The following GNAI3 variants were observed in gnomAD, a reference collection of about 807,000 sequenced individuals.
GNAI3 encodes G protein subunit alpha i3, also known as guanine nucleotide-binding protein G(i) subunit alpha-3.
Under a neutral mutation model 41.8 loss-of-function variants are expected in GNAI3, and 12 were observed. That is an observed-to-expected ratio of 0.29 (90% CI 0.18 to 0.47). GNAI3 has a LOEUF of 0.47. GNAI3 is among the 20% of genes least tolerant of loss of function. GNAI3 has a pLI of 1.00. For synonymous variants in GNAI3, 132 were observed against 146.5 expected (o/e 0.90, Z 0.71); for missense variants, 360 against 429.6 (o/e 0.84, Z 1.43).
chr1:109,572,032 G>A (rs1472974833), intron 1 of GNAI3, among the ~76,000 whole-genome samples: 1 of 152,234 alleles, frequency 6.6e-6, no homozygotes, highest in African/African-American at 2.4e-5. Context: ...ACTGGGTTGG[G>A]TGCGGTGGCT....
intron 1 of GNAI3, among the ~76,000 whole-genome samples, chr1:109,573,360 A>C (rs961480593): frequency 7.9e-5 from 12 of 152,190 alleles, no homozygotes; most frequent in African/African-American, 2.9e-4. Context: ...CAGAGGAATT[A>C]ATAAAAATGA....
At position 109,598,353 on chromosome 1, in the gene GNAI3, A is replaced by G. The variant is rs1421530515; in HGVS notation, c.*6031A>G. On this transcript the variant is annotated 3_prime_UTR_variant, in exon 9 of 9. Coordinates refer to ENST00000369851, the MANE Select transcript of GNAI3 (RefSeq NM_006496.4). ...GGTTCTGGTCTTGTCTCTGCTTCCA[A>G]CCAGCTATGGAATCTTGTGTATTCT... 1 of 152,452 alleles carries G rather than the reference A, an allele frequency of 6.6e-6. No individual in the cohort carries two copies. Among genetic ancestry groups the G allele is most frequent in the Admixed American group, 6.5e-5 (1 of 15,322 alleles). 9.4% of individuals were successfully genotyped at this position (152,452 alleles called of 1,614,324 possible). A position where few individuals can be genotyped will look rare whatever the true frequency, so the allele number is the denominator to read the frequency against.
At chr1:109,585,666 C>T (rs1649017090) in intron 5 of GNAI3, among the ~76,000 whole-genome samples, 2 of 151,940 alleles carry the variant, frequency 1.3e-5, no homozygotes, top group Admixed American at 1.3e-4. Context: ...AGGTTCAGAT[C>T]CCCAGTCCCT....
chr1:109,586,091 ATTCTTT>A, intron 5 of GNAI3, 119 bp from the exon 6 acceptor site: 2 of 696,838 alleles, frequency 2.9e-6, no homozygotes, highest in Non-Finnish European at 4.6e-6. Context: ...CATTTAATCT[ATTCTTT>A]TTCTTCTATT....
intron 1 of GNAI3, among the ~76,000 whole-genome samples, chr1:109,556,168 C>T (rs1025911863): frequency 2.0e-5 from 3 of 152,022 alleles, no homozygotes; most frequent in Admixed American, 6.6e-5. Flanking sequence ...CCTCCCATCT[C>T]GGCCTCCTGA....
rs1372666521 is a variant in GNAI3, at chr1:109,548,847, C to T, written c.118+9C>T. 3.9e-6 allele frequency: 6 copies of T among 1,558,040 alleles called. No individual in the cohort carries two copies. The highest frequency in any genetic ancestry group is 5.3e-6 in the Non-Finnish European group (6 of 1,131,424). ...GAAGCTGCTGCTACTCGGTGAGGGG[C>T]TGGAGGCGGGGACTGAGTGGTGGTC... On this transcript the variant is annotated intron_variant, in intron 1 of 8. Transcript: ENST00000369851.
chr1:109,552,858 T>TAAGA (rs1648026850), intron 1 of GNAI3, among the ~76,000 whole-genome samples: 1 of 152,174 alleles, frequency 6.6e-6, no homozygotes, highest in South Asian at 2.1e-4. Flanking sequence ...GTATAATGGA[T>TAAGA]AAGAGCACTG....
intron 1 of GNAI3, among the ~76,000 whole-genome samples, chr1:109,559,640 A>C (rs374519464): frequency 1.3e-5 from 2 of 152,388 alleles, no homozygotes; most frequent in African/African-American, 4.8e-5. Flanking sequence ...CCTGAAAAAC[A>C]TAAATTCATG....
intron 1 of GNAI3, among the ~76,000 whole-genome samples, chr1:109,566,519 T>A (rs1287380208): frequency 1.3e-5 from 2 of 152,180 alleles, no homozygotes; most frequent in Non-Finnish European, 2.9e-5. Flanking sequence ...ACTGGTTTTT[T>A]AATTAAGTAT....
At position 109,548,640 on chromosome 1, in the gene GNAI3, T is replaced by G; in HGVS notation, c.-81T>G. The G allele has an allele frequency of 3.2e-6, 3 of 939,976 alleles. No individual in the cohort carries two copies. Among genetic ancestry groups the G allele is most frequent in the Non-Finnish European group, 5.1e-6 (3 of 586,272 alleles). The allele number at this position is 939,976 out of a possible 1,614,324, so 58.2% of individuals were successfully genotyped here. A position where few individuals can be genotyped will look rare whatever the true frequency, so the allele number is the denominator to read the frequency against. ...GACGGAGAGGGCCACCGCCCAGCAA[T>G]AGACGGTGCCTCAGCCTGCCGAGCC... On this transcript the variant is annotated 5_prime_UTR_variant, in exon 1 of 9. Transcript: ENST00000369851.
intron 7 of GNAI3, among the ~76,000 whole-genome samples, chr1:109,587,867 A>G (rs934584208): frequency 6.6e-6 from 1 of 152,194 alleles, no homozygotes; most frequent in Non-Finnish European, 1.5e-5. Flanking sequence ...ATGGGGATTA[A>G]GGGATATATC....
intron 5 of GNAI3, among the ~76,000 whole-genome samples, chr1:109,584,299 C>T (rs1258955199): frequency 6.6e-6 from 1 of 152,182 alleles, no homozygotes; most frequent in Non-Finnish European, 1.5e-5. Context: ...TGCTGCTTAT[C>T]TTTAGTACTG....
At chr1:109,550,583 G>T (rs1647957313) in intron 1 of GNAI3, among the ~76,000 whole-genome samples, 1 of 151,932 alleles carries the variant, frequency 6.6e-6, no homozygotes, top group African/African-American at 2.4e-5. Flanking sequence ...GCCTAGGCTG[G>T]AGTGCAGTGG....
chr1:109,588,786 G>A (rs557679981), intron 7 of GNAI3, among the ~76,000 whole-genome samples: 10 of 152,130 alleles, frequency 6.6e-5, no homozygotes, highest in African/African-American at 2.2e-4. Context: ...CCAGCTACTC[G>A]GGAGGCTGAG....
At position 109,596,785 on chromosome 1, in the gene GNAI3, G is replaced by T. The variant is rs1042774702; in HGVS notation, c.*4463G>T. The T allele has an allele frequency of 2.0e-5, 3 of 152,226 alleles. No homozygotes were observed. Among genetic ancestry groups the T allele is most frequent in the African/African-American group, 7.2e-5 (3 of 41,458 alleles). 9.4% of individuals were successfully genotyped at this position (152,226 alleles called of 1,614,324 possible). A position where few individuals can be genotyped will look rare whatever the true frequency, so the allele number is the denominator to read the frequency against. On this transcript the variant is annotated 3_prime_UTR_variant, in exon 9 of 9. Transcript: ENST00000369851. ...GGTACATGGTTAATTTGATTTAGCA[G>T]ATTCTTTGGCTAAACCCTAGTAAAT...
At chr1:109,562,406 G>C (rs1032958253) in intron 1 of GNAI3, among the ~76,000 whole-genome samples, 1 of 152,144 alleles carries the variant, frequency 6.6e-6, no homozygotes, top group Non-Finnish European at 1.5e-5. Flanking sequence ...CCTGGAACCA[G>C]TCCCCTGCGG....
intron 6 of GNAI3, among the ~76,000 whole-genome samples, 178 bp from the exon 7 acceptor site, chr1:109,586,551 C>A (rs1649036965): frequency 6.6e-6 from 1 of 152,116 alleles, no homozygotes; most frequent in African/African-American, 2.4e-5. Context: ...TTCCTCCTAC[C>A]TCCTCTCCCC....
At chr1:109,569,920 T>C (rs1338409034) in intron 1 of GNAI3, among the ~76,000 whole-genome samples, 1 of 152,142 alleles carries the variant, frequency 6.6e-6, no homozygotes, top group African/African-American at 2.4e-5. Context: ...CTCACATGAA[T>C]GATGGAAATG....
At chr1:109,564,927 C>G (rs1648410926) in intron 1 of GNAI3, among the ~76,000 whole-genome samples, 7 of 152,182 alleles carry the variant, frequency 4.6e-5, no homozygotes. Flanking sequence ...AAACCATTAG[C>G]TCTCTTCCAG....
Sources: allele counts gnomAD v4.1 joint callset (sites outside exome capture counted in the v4.1 genomes callset), GRCh38; gene constraint gnomAD v4.1.1; transcripts MANE v1.5; gene names NCBI Gene and HGNC (gene_info 2026-07-23, HGNC 2026-07-21).